The following CDH18 variants were observed in gnomAD, a reference collection of about 807,000 sequenced individuals.
The protein encoded by CDH18 is cadherin-18.
A neutral mutation model predicts 67.9 loss-of-function variants in CDH18; 31 were observed. The ratio of observed to expected loss-of-function variants is 0.46; its 90% CI spans 0.34 to 0.62. The LOEUF is 0.62. CDH18 is among the 20% of genes least tolerant of loss of function. The pLI, the probability that CDH18 is intolerant of heterozygous loss-of-function variation, is 0.01. For missense variants in CDH18, 890 were observed against 975.5 expected (o/e 0.91, Z 1.17); for synonymous variants, 362 against 347.2 (o/e 1.04, Z -0.48).
intron 1 of CDH18, among the ~76,000 whole-genome samples, chr5:20,389,028 G>A (rs1005911211): frequency 5.3e-5 from 8 of 152,144 alleles, no homozygotes; most frequent in Non-Finnish European, 1.2e-4. Flanking sequence ...TGTACATTCT[G>A]TTGACTTGGG....
At chr5:19,860,236 C>A (rs536535298) in intron 2 of CDH18, among the ~76,000 whole-genome samples, 1 of 152,138 alleles carries the variant, frequency 6.6e-6, no homozygotes, top group African/African-American at 2.4e-5. Context: ...ATTCCTCAAC[C>A]AGACCCTTTG....
chr5:19,520,904 C>T (rs529654767), intron 9 of CDH18, 126 bp from the exon 10 acceptor site: 56 of 977,708 alleles, frequency 5.7e-5, no homozygotes, highest in Middle Eastern at 4.4e-4. Flanking sequence ...TTTTGGCAAA[C>T]GACAACTTTA....
At chr5:20,230,431 C>T (rs1024375852) in intron 2 of CDH18, among the ~76,000 whole-genome samples, 16 of 152,132 alleles carry the variant, frequency 1.1e-4, no homozygotes, top group African/African-American at 3.9e-4. Flanking sequence ...ATATCTTTAA[C>T]TCAAGGACCA....
At chr5:20,342,984 C>A (rs560191765) in intron 1 of CDH18, among the ~76,000 whole-genome samples, 2 of 152,262 alleles carry the variant, frequency 1.3e-5, no homozygotes, top group East Asian at 1.9e-4. Context: ...TTTGTGAGGG[C>A]AGCACCTGCA....
rs1911825 is a variant in CDH18, at chr5:20,197,731, T to A, written c.-518+57713A>T. Among the ~76,000 whole-genome samples, 714 of 152,258 alleles carry A rather than the reference T, an allele frequency of 4.7e-3. 9 individuals are homozygous for A. Among genetic ancestry groups the A allele is most frequent in the African/African-American group, 0.016 (679 of 41,538 alleles). ...TGTTTAGAGAGCATTATGTGTTACA[T>A]TGTAAGGTAAAAGTATAAACGGGAT... On this transcript the variant is annotated intron_variant, in intron 2 of 14. Transcript: ENST00000507958.
intron 5 of CDH18, among the ~76,000 whole-genome samples, chr5:19,620,928 A>T (rs1046205991): frequency 6.6e-6 from 1 of 152,182 alleles, no homozygotes; most frequent in Non-Finnish European, 1.5e-5. Context: ...TACTAAGAGC[A>T]TAACAGATGC....
intron 2 of CDH18, among the ~76,000 whole-genome samples, chr5:20,170,186 C>A (rs995134647): frequency 1.3e-5 from 2 of 151,538 alleles, no homozygotes; most frequent in South Asian, 2.1e-4. Context: ...TCTTACCCCA[C>A]CCCCCGACAG....
chr5:20,305,179 T>C, intron 1 of CDH18: 1 of 1,423,522 alleles, frequency 7.0e-7, no homozygotes, highest in Non-Finnish European at 9.9e-7. Flanking sequence ...GGTTATGTTG[T>C]TTCCATTCGA....
upstream of CDH18, among the ~76,000 whole-genome samples, chr5:19,993,170 T>C (rs371951239): frequency 2.0e-5 from 3 of 152,238 alleles, no homozygotes; most frequent in East Asian, 5.8e-4. Flanking sequence ...TATAATGAAG[T>C]AGAAATTCCA....
intron 7 of CDH18, among the ~76,000 whole-genome samples, chr5:19,581,091 T>C (rs1433524333): frequency 1.3e-5 from 2 of 152,006 alleles, no homozygotes; most frequent in Admixed American, 6.6e-5. Flanking sequence ...GTTTATCTTC[T>C]CAGCCCTTGC....
intron 5 of CDH18, among the ~76,000 whole-genome samples, chr5:19,718,697 T>C (rs181239127): frequency 1.9e-4 from 29 of 152,128 alleles, no homozygotes; most frequent in Admixed American, 5.2e-4. Flanking sequence ...GTAGGACAGA[T>C]ATCCATAGGT....
chr5:19,749,754 G>T (rs1020895615), intron 3 of CDH18, among the ~76,000 whole-genome samples: 2 of 150,794 alleles, frequency 1.3e-5, no homozygotes, highest in African/African-American at 4.9e-5. Flanking sequence ...TAATTTTAGG[G>T]CTATCAATTT....
intron 1 of CDH18, among the ~76,000 whole-genome samples, chr5:20,540,962 A>T (rs531663454): frequency 1.3e-5 from 2 of 152,324 alleles, no homozygotes; most frequent in African/African-American, 4.8e-5. Context: ...CAGTGAAGAC[A>T]TTAGTGATGA....
chr5:19,926,303 T>C (rs918752412), intron 2 of CDH18, among the ~76,000 whole-genome samples: 1 of 152,138 alleles, frequency 6.6e-6, no homozygotes, highest in Non-Finnish European at 1.5e-5. Flanking sequence ...ATAAAACAAA[T>C]AAAATGTCAA....
chr5:20,215,384 TCTC>T (rs1740682507), intron 2 of CDH18, among the ~76,000 whole-genome samples: 1 of 151,678 alleles, frequency 6.6e-6, no homozygotes, highest in Non-Finnish European at 1.5e-5. Context: ...ATAGGATACA[TCTC>T]CTGTGCAGGA....
intron 2 of CDH18, among the ~76,000 whole-genome samples, chr5:19,951,381 C>T (rs1393438863): frequency 1.3e-5 from 2 of 152,046 alleles, no homozygotes; most frequent in Non-Finnish European, 2.9e-5. Context: ...ATCTAACAAG[C>T]TTTAGTATTT....
chr5:20,513,559 C>T (rs1490277579), intron 1 of CDH18, among the ~76,000 whole-genome samples: 1 of 152,014 alleles, frequency 6.6e-6, no homozygotes, highest in East Asian at 1.9e-4. Flanking sequence ...TCTTTAATAT[C>T]CTAAAATCTA....
At chr5:20,076,448 A>G (rs1743947575) in intron 2 of CDH18, among the ~76,000 whole-genome samples, 2 of 152,260 alleles carry the variant, frequency 1.3e-5, no homozygotes, top group Non-Finnish European at 2.9e-5. Flanking sequence ...AAACCTTGTA[A>G]TGAAATGGCA....
At chr5:20,100,448 G>A (rs923876354) in intron 2 of CDH18, among the ~76,000 whole-genome samples, 2 of 152,062 alleles carry the variant, frequency 1.3e-5, no homozygotes, top group African/African-American at 4.8e-5. Flanking sequence ...AGTTATATTT[G>A]CACCAACCTA....
Sources: allele counts gnomAD v4.1 joint callset (sites outside exome capture counted in the v4.1 genomes callset), GRCh38; gene constraint gnomAD v4.1.1; transcripts MANE v1.5; gene names NCBI Gene and HGNC (gene_info 2026-07-23, HGNC 2026-07-21).